Variants in TBC1D24 observed in about 807,000 individuals in gnomAD.
TBC1D24 encodes TBC1 domain family member 24, also known as Infantile myoclonic epilepsy.
Under a neutral mutation model 50.7 loss-of-function variants are expected in TBC1D24, and 47 were observed. The ratio of observed to expected loss-of-function variants is 0.93; its 90% CI spans 0.73 to 1.18. The LOEUF (loss-of-function observed/expected upper bound fraction) is 1.18. Ranked by LOEUF, TBC1D24 falls within the 50% of genes most tolerant of loss-of-function variation. The pLI is 0.00. For missense variants in TBC1D24, 688 were observed against 766.5 expected (o/e 0.90, Z 1.21); for synonymous variants, 324 against 335.2 (o/e 0.97, Z 0.36).
intron 1 of TBC1D24, among the ~76,000 whole-genome samples, chr16:2,476,286 G>A (rs977362976): frequency 2.6e-5 from 4 of 152,222 alleles, no homozygotes; most frequent in Non-Finnish European, 5.9e-5. Context: ...CACACGTGGC[G>A]TTTCCTCCGC....
At chr16:2,477,910 A>C (rs1567403194) in intron 1 of TBC1D24, 1 of 152,436 alleles carries the variant, frequency 6.6e-6, no homozygotes, top group East Asian at 1.9e-4. Flanking sequence ...GTTCCTGCCC[A>C]CCAGCTCTTG....
chr16:2,498,330 AGC>A lies in TBC1D24; in HGVS notation c.1079_1080del (p.Arg360LeufsTer27). ...AGAGACATCTGGTCCTGGGTCCCCG[AGC>A]GCTTTGCCCTGTGCCAGCCCCTTCT... On this transcript the variant is annotated frameshift_variant, in exon 4 of 8. Coordinates refer to ENST00000646147, the MANE Select transcript of TBC1D24 (RefSeq NM_001199107.2). LOFTEE classifies it high-confidence loss of function. 6.2e-7 allele frequency: 1 copy of A among 1,610,542 alleles called. No individual in the cohort carries two copies.
In TBC1D24 at chr16:2,485,011, G is replaced by C. The variant is rs948754464; in HGVS notation, c.-116+9841G>C. On this transcript the variant is annotated intron_variant, in intron 1 of 7. Transcript: ENST00000646147. The surrounding 1 kb of genome is among the most constrained non-coding windows in gnomAD (Gnocchi z 4.6). ...GCCTGCCATCCACACCCCGCTCCAG[G>C]TCTGCTTTTAGGCCCCAGTCCCTGC... is the stretch of plus-strand genomic sequence containing the variant. 1 of 151,914 alleles carries C rather than the reference G, an allele frequency of 6.6e-6. No individual in the cohort carries two copies. The highest frequency in any genetic ancestry group is 1.5e-5 in the Non-Finnish European group (1 of 67,958). The allele number at this position is 151,914 out of a possible 1,614,324, so 9.4% of individuals were successfully genotyped here.
At chr16:2,489,874 A>G (rs1452819319) in intron 1 of TBC1D24, among the ~76,000 whole-genome samples, 2 of 152,226 alleles carry the variant, frequency 1.3e-5, no homozygotes, top group African/African-American at 4.8e-5. Flanking sequence ...ATCCCGCAAC[A>G]GAACAGGGAC....
rs2065814193 is a variant in TBC1D24 at position 2,503,855 on chromosome 16, T to A, written c.*2897T>A. 2 of 152,264 alleles carry A rather than the reference T, an allele frequency of 1.3e-5. No homozygotes were observed. Among genetic ancestry groups the A allele is most frequent in the South Asian group, 4.1e-4 (2 of 4,828 alleles). The allele number at this position is 152,264 out of a possible 1,614,324, so 9.4% of individuals were successfully genotyped here. A position where few individuals can be genotyped will look rare whatever the true frequency, so the allele number is the denominator to read the frequency against. On this transcript the variant is annotated 3_prime_UTR_variant, in exon 8 of 8. Coordinates refer to ENST00000646147, the MANE Select transcript of TBC1D24 (RefSeq NM_001199107.2). Reference sequence around the variant, plus strand: ...GATTACAGGCGTGAGCCACCGCGCCTAGCCTATTTTTTAATTTTTTTGAAT... The same window carrying A: ...GATTACAGGCGTGAGCCACCGCGCCAAGCCTATTTTTTAATTTTTTTGAAT...
intron 1 of TBC1D24, chr16:2,476,723 G>A (rs191125599): frequency 2.0e-4 from 30 of 152,352 alleles, no homozygotes; most frequent in Admixed American, 1.6e-3. Context: ...TCCTTTTGTC[G>A]GAGTGATAGA....
rs752385354 is a variant in TBC1D24 at position 2,500,801 on chromosome 16, C to T, written c.1526-3C>T. On this transcript the variant is annotated splice_polypyrimidine_tract_variant and splice_region_variant and intron_variant, in intron 7 of 7. Coordinates refer to ENST00000646147, the MANE Select transcript of TBC1D24 (RefSeq NM_001199107.2). This position sits in a 1 kb window ranked among gnomAD's most constrained non-coding sequence, Gnocchi z 8.0. ...GGCCGCCACTGACCTGAGCATCCTG[C>T]AGGGGGAGGAGGCGGCCAGGCGCTC... 33 of 1,602,412 alleles carry T rather than the reference C, an allele frequency of 2.1e-5. No homozygotes were observed. The highest frequency in any genetic ancestry group is 2.8e-5 in the Non-Finnish European group (33 of 1,179,252).
chr16:2,492,524 C>G (rs1207890643), intron 1 of TBC1D24, among the ~76,000 whole-genome samples: 1 of 152,184 alleles, frequency 6.6e-6, no homozygotes, highest in Non-Finnish European at 1.5e-5. Flanking sequence ...TTCACCCAAA[C>G]AGGATGGGCC....
chr16:2,476,260 A>ACT (rs1272043676), intron 1 of TBC1D24, among the ~76,000 whole-genome samples: 4 of 152,196 alleles, frequency 2.6e-5, no homozygotes, highest in African/African-American at 9.7e-5. Context: ...AGCACACAGT[A>ACT]GGCACCTGTA....
chr16:2,486,661 T>TG lies in TBC1D24; in HGVS notation c.-115-9370dup, dbSNP rs1035368345. Among the ~76,000 whole-genome samples the TG allele has an allele frequency of 6.6e-6, 1 of 152,228 alleles. No homozygotes were observed. Among genetic ancestry groups the TG allele is most frequent in the African/African-American group, 2.4e-5 (1 of 41,470 alleles). On this transcript the variant is annotated intron_variant, in intron 1 of 7. Coordinates refer to ENST00000646147, the MANE Select transcript of TBC1D24 (RefSeq NM_001199107.2). The surrounding 1 kb of genome is among the most constrained non-coding windows in gnomAD (Gnocchi z 5.8). The stretch of plus-strand genomic sequence containing the variant: ...CCCCTTGGTGGCATCTGGGAGTGTG[T>TG]GGGAGTGCCTTCTGTGCTGTGGGCC...
rs1397410339 is a variant in TBC1D24 at position 2,487,837 on chromosome 16, C to G, written c.-115-8197C>G. On this transcript the variant is annotated intron_variant, in intron 1 of 7. Coordinates refer to ENST00000646147, the MANE Select transcript of TBC1D24 (RefSeq NM_001199107.2). The surrounding 1 kb of genome is among the most constrained non-coding windows in gnomAD (Gnocchi z 4.1). ...GGCCGAGTGCCCTGAAGTCCCAGAC[C>G]TGCGTGGGTCCTGCCTGTGCTCAGG... 1.3e-5 allele frequency among the ~76,000 whole-genome samples: 2 copies of G among 151,874 alleles called. No homozygotes were observed. The highest frequency in any genetic ancestry group is 4.8e-5 in the African/African-American group (2 of 41,354).
chr16:2,495,382 A>G (rs1318316871), intron 1 of TBC1D24, among the ~76,000 whole-genome samples: 3 of 152,204 alleles, frequency 2.0e-5, no homozygotes, highest in Non-Finnish European at 2.9e-5. Flanking sequence ...ACAGTGGCTC[A>G]TGCCTGTAAT....
Position 2,501,346 on chromosome 16 carries a change from G to A in TBC1D24, c.*388G>A. The A allele has an allele frequency of 3.6e-6, 1 of 280,300 alleles. No individual in the cohort carries two copies. Among genetic ancestry groups the A allele is most frequent in the Non-Finnish European group, 7.0e-6 (1 of 142,584 alleles). 17.4% of individuals were successfully genotyped at this position (280,300 alleles called of 1,614,324 possible). A position where few individuals can be genotyped will look rare whatever the true frequency, so the allele number is the denominator to read the frequency against. On this transcript the variant is annotated 3_prime_UTR_variant, in exon 8 of 8. Transcript: ENST00000646147. ...GGGAGTACAACGGCAGTGGGAACGT[G>A]CAGCTAAGGGTGGGCCTGTGGTGCC...
intron 4 of TBC1D24, 146 bp downstream of exon 4, chr16:2,498,542 G>A (rs2065763838): frequency 1.2e-6 from 1 of 800,098 alleles, no homozygotes; most frequent in African/African-American, 1.7e-5. Flanking sequence ...CCCTTTCTGG[G>A]CTCTGTCCTC....
chr16:2,499,711 G>A lies in TBC1D24; in HGVS notation c.1207-124G>A. The A allele has an allele frequency of 7.9e-6, 7 of 882,596 alleles. No homozygotes were observed. In the South Asian group the frequency reaches 7.9e-5, roughly 10 times the overall value. The allele number at this position is 882,596 out of a possible 1,614,324, so 54.7% of individuals were successfully genotyped here. A position where few individuals can be genotyped will look rare whatever the true frequency, so the allele number is the denominator to read the frequency against. On this transcript the variant is annotated intron_variant, in intron 5 of 7. Coordinates refer to ENST00000646147, the MANE Select transcript of TBC1D24 (RefSeq NM_001199107.2). This position sits in a 1 kb window ranked among gnomAD's most constrained non-coding sequence, Gnocchi z 4.0. ...TCCCACACCACTCCTGCCCTGGGGTGGGGGTGGGAGACGGCAATGCCTGCA... is the reference window on the plus strand; with the variant it reads ...TCCCACACCACTCCTGCCCTGGGGTAGGGGTGGGAGACGGCAATGCCTGCA...
chr16:2,484,088 G>C (rs536726934), intron 1 of TBC1D24: 1 of 152,292 alleles, frequency 6.6e-6, no homozygotes, highest in South Asian at 2.1e-4. Context: ...GGGAGGACCA[G>C]GGGGTGGCCA....
In TBC1D24 at chr16:2,499,850, C is replaced by G; in HGVS notation, c.1222C>G (p.Leu408Val). 6.2e-7 allele frequency: 1 copy of G among 1,614,084 alleles called. No individual in the cohort carries two copies. Among genetic ancestry groups the G allele is most frequent in the Non-Finnish European group, 8.5e-7 (1 of 1,179,952 alleles). ...TTQKEVCGAY[L>V]STDWSERNKF... ...TTTCCCCCAGGTGTGTGGTGCTTAC[C>G]TGTCCACAGACTGGAGTGAGAGAAA... Residue 408 changes from leucine to valine, a missense_variant, in exon 6 of 8, where the codon CTG (leucine) becomes GTG (valine). Physicochemically the swap from Leu to Val is conservative, Grantham distance 32. Transcript: ENST00000646147. The surrounding 1 kb of genome is among the most constrained non-coding windows in gnomAD (Gnocchi z 4.0).
chr16:2,480,769 G>A (rs927933745), intron 1 of TBC1D24: 3 of 152,206 alleles, frequency 2.0e-5, no homozygotes, highest in South Asian at 2.1e-4. Flanking sequence ...CCTTAGGATC[G>A]AGGTGTGGAC....
Position 2,500,580 on chromosome 16 carries a change from A to G in TBC1D24, c.1525+90A>G. ...CCCAGCCCTCCCTGACCGGGGTGGC[A>G]GAGAAGAGGCCCTGGGTGTCAGGGT... On this transcript the variant is annotated intron_variant, in intron 7 of 7. Coordinates refer to ENST00000646147, the MANE Select transcript of TBC1D24 (RefSeq NM_001199107.2). The surrounding 1 kb of genome is among the most constrained non-coding windows in gnomAD (Gnocchi z 8.0). 7.1e-7 allele frequency: 1 copy of G among 1,408,032 alleles called. No homozygotes were observed. The highest frequency in any genetic ancestry group is 2.5e-4 in the Middle Eastern group (1 of 4,032). The allele number at this position is 1,408,032 out of a possible 1,614,324, so 87.2% of individuals were successfully genotyped here.
Sources: gnomAD v4.1 joint callset for allele counts (sites outside exome capture counted in the v4.1 genomes callset) on GRCh38, gnomAD v4.1.1 for gene constraint, Gnocchi (gnomAD v3.1) non-coding constraint, MANE v1.5 for transcripts, NCBI Gene and HGNC (gene_info 2026-07-23, HGNC 2026-07-21) for gene names.